Variants in SLC36A1 observed in about 807,000 individuals in gnomAD.
SLC36A1 encodes the protein proton-coupled amino acid transporter 1.
Under a neutral mutation model 47.5 loss-of-function variants are expected in SLC36A1, and 30 were observed. The observed-to-expected ratio is 0.63, with a 90% CI of 0.47 to 0.86. The LOEUF (loss-of-function observed/expected upper bound fraction) is 0.86. Among genes scored for constraint, SLC36A1 ranks in the 40% least tolerant of loss-of-function variants. The pLI, the probability that SLC36A1 is intolerant of heterozygous loss-of-function variation, is 0.00. For missense variants in SLC36A1, 517 were observed against 606.0 expected (o/e 0.85, Z 1.54); for synonymous variants, 255 against 249.7 (o/e 1.02, Z -0.20).
At chr5:151,465,735 C>T (rs926584500) in intron 5 of SLC36A1, among the ~76,000 whole-genome samples, 3 of 151,996 alleles carry the variant, frequency 2.0e-5, no homozygotes, top group Admixed American at 6.6e-5. Flanking sequence ...GTCGGCTGTG[C>T]CAGATGAGAA....
chr5:151,506,068 G>T, the SLC36A1 span: 1 of 1,538,000 alleles, frequency 6.5e-7, no homozygotes, highest in South Asian at 1.3e-5. Flanking sequence ...GAGTAAGTAG[G>T]GGGCCAGACC....
the SLC36A1 span, among the ~76,000 whole-genome samples, chr5:151,524,968 T>A: frequency 6.6e-6 from 1 of 152,236 alleles, no homozygotes; most frequent in Non-Finnish European, 1.5e-5. Flanking sequence ...GTTATTTCTT[T>A]CTTTATCTGT....
the SLC36A1 span, among the ~76,000 whole-genome samples, chr5:151,397,003 C>T: frequency 1.3e-5 from 2 of 152,258 alleles, no homozygotes; most frequent in African/African-American, 4.8e-5. Context: ...GACCCACCAT[C>T]ACTGTTAGTG....
At chr5:151,536,230 AC>A in the SLC36A1 span, among the ~76,000 whole-genome samples, 2 of 149,152 alleles carry the variant, frequency 1.3e-5, no homozygotes, top group Admixed American at 6.7e-5. Context: ...AGAAAAAAAA[AC>A]GCCATTTTTT....
chr5:151,485,941 G>A (rs911110894), intron 10 of SLC36A1, among the ~76,000 whole-genome samples: 4 of 152,206 alleles, frequency 2.6e-5, no homozygotes, highest in African/African-American at 7.2e-5. Context: ...ATAGCCGTCC[G>A]TGGCTATGTT....
At chr5:151,546,158 C>A in the SLC36A1 span, 3 of 1,614,128 alleles carry the variant, frequency 1.9e-6, no homozygotes, top group South Asian at 1.1e-5. Context: ...AAGATGGGGG[C>A]ACTCCTATCT....
the SLC36A1 span, chr5:151,382,334 C>A: frequency 1.1e-6 from 1 of 897,502 alleles, no homozygotes. Flanking sequence ...AGTTCAGCCT[C>A]CCTGTAGATC....
At chr5:151,527,153 T>G in the SLC36A1 span, 2 of 1,368,986 alleles carry the variant, frequency 1.5e-6, no homozygotes, top group South Asian at 1.3e-5. Flanking sequence ...TCATGTGGAC[T>G]AATGCCACTG....
chr5:151,537,215 G>A, the SLC36A1 span, among the ~76,000 whole-genome samples: 34 of 132,798 alleles, frequency 2.6e-4, 2 homozygotes, highest in South Asian at 9.5e-3. Context: ...AGAAGAGGAA[G>A]AAGAAGAGGA....
chr5:151,450,761 C>T (rs1192818485), intron 1 of SLC36A1, among the ~76,000 whole-genome samples: 1 of 152,258 alleles, frequency 6.6e-6, no homozygotes, highest in Non-Finnish European at 1.5e-5. Flanking sequence ...GATATCGCTT[C>T]AAAGGTCAGA....
At chr5:151,403,123 G>C in the SLC36A1 span, among the ~76,000 whole-genome samples, 2 of 152,102 alleles carry the variant, frequency 1.3e-5, no homozygotes, top group South Asian at 4.2e-4. Context: ...GATCTTTCTA[G>C]CTTCTTGGTG....
At chr5:151,391,735 C>A in the SLC36A1 span, among the ~76,000 whole-genome samples, 1 of 152,222 alleles carries the variant, frequency 6.6e-6, no homozygotes, top group African/African-American at 2.4e-5. Flanking sequence ...ACCAGCCTTG[C>A]ATCCCAGGGA....
downstream of SLC36A1, among the ~76,000 whole-genome samples, chr5:151,494,100 C>T (rs1450783610): frequency 6.6e-6 from 1 of 152,148 alleles, no homozygotes; most frequent in Non-Finnish European, 1.5e-5. Flanking sequence ...CCAGGGCCCT[C>T]AGGTAAGCCC....
the SLC36A1 span, among the ~76,000 whole-genome samples, chr5:151,530,011 T>C: frequency 0.091 from 13,918 of 152,302 alleles, 1,034 homozygotes; most frequent in African/African-American, 0.2. Flanking sequence ...CCAATGAACA[T>C]CTTTTTATAA....
chr5:151,383,762 G>C, the SLC36A1 span, among the ~76,000 whole-genome samples: 3 of 151,808 alleles, frequency 2.0e-5, no homozygotes. Flanking sequence ...TAGTAGAGAC[G>C]GGGTTTCACC....
chr5:151,473,908 T>G (rs1397972059), intron 8 of SLC36A1, 137 bp downstream of exon 8: 3 of 706,962 alleles, frequency 4.2e-6, no homozygotes, highest in Non-Finnish European at 7.3e-6. Flanking sequence ...GCCTGTAATC[T>G]CAGCACTTTG....
chr5:151,371,081 C>T, the SLC36A1 span, among the ~76,000 whole-genome samples: 1 of 152,092 alleles, frequency 6.6e-6, no homozygotes, highest in Non-Finnish European at 1.5e-5. Flanking sequence ...CCTGTACTTA[C>T]TAGACGTCAG....
chr5:151,489,434 G>A lies in SLC36A1; in HGVS notation c.*1180G>A, dbSNP rs1759929098. 1 of 152,624 alleles carries A rather than the reference G, an allele frequency of 6.6e-6. No homozygotes were observed. The highest frequency in any genetic ancestry group is 1.5e-5 in the Non-Finnish European group (1 of 68,030). The allele number at this position is 152,624 out of a possible 1,614,324, so 9.5% of individuals were successfully genotyped here. A position where few individuals can be genotyped will look rare whatever the true frequency, so the allele number is the denominator to read the frequency against. On this transcript the variant is annotated 3_prime_UTR_variant, in exon 11 of 11. Transcript: ENST00000243389. The surrounding 1 kb of genome is among the most constrained non-coding windows in gnomAD (Gnocchi z 4.5). The stretch of plus-strand genomic sequence containing the variant: ...CACAGAGTTTGAAATTAAGTTAATA[G>A]ACTTTACAGCAGCTGGTCTGACACT...
the SLC36A1 span, among the ~76,000 whole-genome samples, chr5:151,406,782 G>C: frequency 6.6e-6 from 1 of 152,092 alleles, no homozygotes; most frequent in Admixed American, 6.6e-5. Context: ...AGTGAGAGAG[G>C]CTCAGTTCTA....
Sources: gnomAD v4.1 joint callset for allele counts (sites outside exome capture counted in the v4.1 genomes callset) on GRCh38, gnomAD v4.1.1 for gene constraint, Gnocchi (gnomAD v3.1) non-coding constraint, MANE v1.5 for transcripts, NCBI Gene and HGNC (gene_info 2026-07-23, HGNC 2026-07-21) for gene names.